The following CNTNAP4 variants were observed in gnomAD, a reference collection of about 807,000 sequenced individuals.
The protein encoded by CNTNAP4 is contactin associated protein family member 4.
In CNTNAP4, 98 loss-of-function variants were observed where a neutral mutation model predicts 148.4. The observed-to-expected ratio is 0.66, with a 90% CI of 0.56 to 0.78. The LOEUF (loss-of-function observed/expected upper bound fraction) is 0.78. Ranked by LOEUF, CNTNAP4 falls within the 30% of genes least tolerant of loss-of-function variation. CNTNAP4 has a pLI of 0.00. For missense variants in CNTNAP4, 1,935 were observed against 1,565.6 expected (o/e 1.24, Z -3.98); for synonymous variants, 730 against 565.1 (o/e 1.29, Z -4.14).
intron 10 of CNTNAP4, among the ~76,000 whole-genome samples, chr16:76,467,937 CA>C (rs2081234823): frequency 6.6e-6 from 1 of 152,200 alleles, no homozygotes; most frequent in African/African-American, 2.4e-5. Context: ...GCTACCCTGA[CA>C]GCAGAATATT....
chr16:76,538,066 A>G, intron 18 of CNTNAP4, 50 bp from the exon 19 acceptor site: 1 of 845,014 alleles, frequency 1.2e-6, no homozygotes, highest in Non-Finnish European at 1.6e-6. Flanking sequence ...CTAAAACAAA[A>G]TCCTTGTACT....
intron 3 of CNTNAP4, among the ~76,000 whole-genome samples, chr16:76,365,859 C>G (rs1597332111): frequency 6.6e-6 from 1 of 150,736 alleles, no homozygotes; most frequent in East Asian, 1.9e-4. Flanking sequence ...TTCTTAAGTT[C>G]TCTTCCTAGA....
At chr16:76,533,886 G>A (rs1294217319) in intron 17 of CNTNAP4, among the ~76,000 whole-genome samples, 1 of 152,124 alleles carries the variant, frequency 6.6e-6, no homozygotes, top group Non-Finnish European at 1.5e-5. Flanking sequence ...TCACTGAGGA[G>A]AAACCAAGTA....
intron 15 of CNTNAP4, among the ~76,000 whole-genome samples, chr16:76,513,726 A>G (rs925707745): frequency 1.3e-5 from 2 of 152,344 alleles, no homozygotes; most frequent in South Asian, 4.1e-4. Context: ...GTGCAAATGC[A>G]GGAAGTTATT....
In CNTNAP4 at chr16:76,489,758, C is replaced by T; in HGVS notation, c.1955C>T (p.Pro652Leu). The change falls in exon 13 of 24, where the codon CCA (proline) becomes CTA (leucine). Residue 652 changes from proline to leucine, a missense_variant. Coordinates refer to ENST00000611870, the MANE Select transcript of CNTNAP4 (RefSeq NM_033401.5). Reference sequence around the variant, plus strand: ...GTCAGAAATACTAATCCAGAGAACCCATATGCTGGGTTTTTCGAGTATGTG... The same window carrying T: ...GTCAGAAATACTAATCCAGAGAACCTATATGCTGGGTTTTTCGAGTATGTG... ...TRVRNTNPEN[P>L]YAGFFEYVAS... 2 of 1,604,756 alleles carry T rather than the reference C, an allele frequency of 1.2e-6. No homozygotes were observed. The highest frequency in any genetic ancestry group is 3.4e-5 in the Admixed American group (2 of 58,836).
intron 21 of CNTNAP4, among the ~76,000 whole-genome samples, chr16:76,545,155 A>G (rs1369948246): frequency 2.0e-5 from 3 of 152,202 alleles, no homozygotes; most frequent in Non-Finnish European, 4.4e-5. Flanking sequence ...CTATCTTACA[A>G]TCTTTTAAAA....
At chr16:76,490,964 A>C (rs1022340690) in intron 13 of CNTNAP4, among the ~76,000 whole-genome samples, 10 of 152,152 alleles carry the variant, frequency 6.6e-5, no homozygotes, top group African/African-American at 2.4e-4. Flanking sequence ...ATTTAAAAAG[A>C]AATTTGTTTC....
intron 2 of CNTNAP4, among the ~76,000 whole-genome samples, chr16:76,318,217 C>G (rs1281155816): frequency 6.6e-6 from 1 of 152,202 alleles, no homozygotes; most frequent in Non-Finnish European, 1.5e-5. Flanking sequence ...TTTACCACCA[C>G]TTCATTTGAG....
At chr16:76,304,983 A>T (rs1026162229) in intron 1 of CNTNAP4, among the ~76,000 whole-genome samples, 3 of 152,218 alleles carry the variant, frequency 2.0e-5, no homozygotes, top group Non-Finnish European at 2.9e-5. Flanking sequence ...ATATGTATGT[A>T]GCACAGTTTG....
intron 1 of CNTNAP4, among the ~76,000 whole-genome samples, chr16:76,305,611 GGCTTA>G (rs1385284888): frequency 6.6e-6 from 1 of 152,140 alleles, no homozygotes; most frequent in Non-Finnish European, 1.5e-5. Context: ...GGGTTTACTT[GGCTTA>G]GCAGTGGGGA....
chr16:76,288,147 G>T (rs569568924), intron 1 of CNTNAP4, among the ~76,000 whole-genome samples: 2 of 152,106 alleles, frequency 1.3e-5, no homozygotes, highest in African/African-American at 4.8e-5. Flanking sequence ...ATGAGATCTC[G>T]TGAGATATGA....
Position 76,427,627 on chromosome 16 carries a change from A to G in CNTNAP4, c.538+28A>G, listed in dbSNP as rs371330329. The G allele has an allele frequency of 2.9e-4, 461 of 1,565,872 alleles. 1 individual carries two copies. Among genetic ancestry groups the G allele is most frequent in the Non-Finnish European group, 3.9e-4 (452 of 1,154,022 alleles). ...AAGTGTTTGTTTATCCAATACACTGACATAGATATCAAAAGAGATGTTTTA... is the reference window on the plus strand; with the variant it reads ...AAGTGTTTGTTTATCCAATACACTGGCATAGATATCAAAAGAGATGTTTTA... On this transcript the variant is annotated intron_variant, in intron 4 of 23. Coordinates refer to ENST00000611870, the MANE Select transcript of CNTNAP4 (RefSeq NM_033401.5).
At chr16:76,541,182 A>C (rs1278174132) in intron 21 of CNTNAP4, among the ~76,000 whole-genome samples, 1 of 152,258 alleles carries the variant, frequency 6.6e-6, no homozygotes, top group Non-Finnish European at 1.5e-5. Context: ...AAATGGAAGA[A>C]GAATGCAATT....
chr16:76,328,261 A>G (rs1012627500), intron 2 of CNTNAP4, among the ~76,000 whole-genome samples: 1 of 152,184 alleles, frequency 6.6e-6, no homozygotes, highest in Non-Finnish European at 1.5e-5. Context: ...CCTTGATTTG[A>G]TGCAGTGAAA....
chr16:76,286,822 G>A (rs1210211442), intron 1 of CNTNAP4, among the ~76,000 whole-genome samples: 1 of 152,042 alleles, frequency 6.6e-6, no homozygotes, highest in Non-Finnish European at 1.5e-5. Flanking sequence ...TCATAATTAA[G>A]GATTTATAAT....
At chr16:76,467,600 A>G (rs998099645) in intron 10 of CNTNAP4, 77 bp downstream of exon 10, 5 of 1,197,760 alleles carry the variant, frequency 4.2e-6, no homozygotes, top group African/African-American at 1.5e-5. Flanking sequence ...AAGATGAACA[A>G]TTATTCTTTC....
chr16:76,308,909 C>T (rs1055489645), intron 1 of CNTNAP4, among the ~76,000 whole-genome samples: 4 of 151,616 alleles, frequency 2.6e-5, no homozygotes, highest in Non-Finnish European at 2.9e-5. Flanking sequence ...AGGGCAGCCT[C>T]GAACTCCTGG....
intron 3 of CNTNAP4, among the ~76,000 whole-genome samples, chr16:76,373,819 C>A (rs1275575863): frequency 2.0e-5 from 3 of 146,508 alleles, no homozygotes; most frequent in East Asian, 2.0e-4. Context: ...CACTTGAACT[C>A]GGGAGGTGGA....
At chr16:76,327,976 G>GA (rs1321664810) in intron 2 of CNTNAP4, among the ~76,000 whole-genome samples, 1 of 152,196 alleles carries the variant, frequency 6.6e-6, no homozygotes, top group African/African-American at 2.4e-5. Context: ...TTCAATGTGA[G>GA]TGATCAAACT....
Sources: allele counts gnomAD v4.1 joint callset (sites outside exome capture counted in the v4.1 genomes callset), GRCh38; gene constraint gnomAD v4.1.1; transcripts MANE v1.5; gene names NCBI Gene and HGNC (gene_info 2026-07-23, HGNC 2026-07-21).